The following HRG variants were observed in gnomAD, a reference collection of about 807,000 sequenced individuals.
HRG encodes the protein histidine-rich glycoprotein.
A neutral mutation model predicts 29.5 loss-of-function variants in HRG; 26 were observed. The ratio of observed to expected loss-of-function variants is 0.88; its 90% CI spans 0.65 to 1.22. The LOEUF is 1.22. Among genes scored for constraint, HRG ranks in the 50% most tolerant of loss-of-function variants. HRG has a pLI of 0.00. For synonymous variants in HRG, 243 were observed against 240.4 expected, an observed-to-expected ratio of 1.01 and a Z score of -0.10; for missense variants, 671 against 654.5, an observed-to-expected ratio of 1.03 and a Z score of -0.28.
intron 4 of HRG, among the ~76,000 whole-genome samples, chr3:186,672,225 G>C (rs1427195673): frequency 6.6e-6 from 1 of 152,196 alleles, no homozygotes; most frequent in African/African-American, 2.4e-5. Context: ...TTCACCCAGA[G>C]CTGTCTTGTA....
At chr3:186,670,879 A>C (rs546889719) in intron 3 of HRG, among the ~76,000 whole-genome samples, 1 of 152,282 alleles carries the variant, frequency 6.6e-6, no homozygotes, top group East Asian at 1.9e-4. Context: ...TTTCAAATAG[A>C]ATTATCACAG....
chr3:186,672,337 A>G (rs114932239), intron 4 of HRG, among the ~76,000 whole-genome samples: 184 of 152,346 alleles, frequency 1.2e-3, no homozygotes, highest in African/African-American at 4.4e-3. Flanking sequence ...TGCTCAAAGA[A>G]TGTTTGGACC....
rs1006436220 is a variant in HRG at position 186,666,326 on chromosome 3, T to G, written c.183+112T>G. 25 of 1,092,872 alleles carry G rather than the reference T, an allele frequency of 2.3e-5. No individual in the cohort carries two copies. In the Admixed American group the frequency reaches 4.5e-4, roughly 20 times the overall value. The allele number at this position is 1,092,872 out of a possible 1,614,324, so 67.7% of individuals were successfully genotyped here. ...CAATGAATGGCTTTGGTCAGAGTTT[T>G]TTGTTTGGCTTCTGCGGCTGCTCTA... On this transcript the variant is annotated intron_variant, in intron 1 of 6. Coordinates refer to ENST00000232003, the MANE Select transcript of HRG (RefSeq NM_000412.5).
chr3:186,671,755 T>C lies in HRG; in HGVS notation c.524T>C (p.Phe175Ser), dbSNP rs1335749407. 2.5e-6 allele frequency: 4 copies of C among 1,613,870 alleles called. No individual in the cohort carries two copies. Among genetic ancestry groups the C allele is most frequent in the Admixed American group, 1.7e-5 (1 of 59,986 alleles). ...YKEENDDFAS[F>S]RVDRIERVAR... ...GAGGAGAATGATGACTTTGCCTCTTTCAGAGTGGACCGAATCGAGAGAGTT... is the reference window on the plus strand; with the variant it reads ...GAGGAGAATGATGACTTTGCCTCTTCCAGAGTGGACCGAATCGAGAGAGTT... Residue 175 changes from phenylalanine to serine, a missense_variant, in exon 4 of 7, where the codon TTC (phenylalanine) becomes TCC (serine). Phe to Ser is a radical substitution (Grantham distance 155). Transcript: ENST00000232003.
In HRG at chr3:186,672,793, G is replaced by A; in HGVS notation, c.565G>A (p.Gly189Arg). Residue 189 changes from glycine to arginine, a missense_variant, in exon 5 of 7, where the codon GGG becomes AGG. Gly to Arg is a moderately radical substitution (Grantham distance 125, BLOSUM62 -2). Coordinates refer to ENST00000232003, the MANE Select transcript of HRG (RefSeq NM_000412.5). ...RIERVARVRG[G>R]EGTGYFVDFS... ...TTGATCCCATCTGTTCTAGAGAGGA[G>A]GGGAAGGAACTGGTTACTTCGTGGA... 1.9e-6 allele frequency: 3 copies of A among 1,607,090 alleles called. No individual in the cohort carries two copies. The highest frequency in any genetic ancestry group is 2.6e-6 in the Non-Finnish European group (3 of 1,173,700).
At chr3:186,675,957 C>T (rs1176125254) in intron 6 of HRG, among the ~76,000 whole-genome samples, 2 of 148,604 alleles carry the variant, frequency 1.3e-5, no homozygotes, top group African/African-American at 5.0e-5. Flanking sequence ...ACAACCTCTG[C>T]CTCCTGGGTT....
rs745910756 is a variant in HRG at position 186,677,387 on chromosome 3, C to T, written c.1082C>T (p.Pro361Leu). ...AAGCATCATTCCCATGAACAGCATC[C>T]CCACGGACACCATCCCCATGCACAC... ...PHKHHSHEQH[P>L]HGHHPHAHHP... Residue 361 changes from proline (P) to leucine (L), a missense_variant, in exon 7 of 7, where the codon CCC becomes CTC. By Grantham distance (98) the Pro-to-Leu change is moderately conservative. Coordinates refer to ENST00000232003, the MANE Select transcript of HRG (RefSeq NM_000412.5). 12 of 1,612,660 alleles carry T rather than the reference C, an allele frequency of 7.4e-6. No homozygotes were observed. Among genetic ancestry groups the T allele is most frequent in the African/African-American group, 2.7e-5 (2 of 74,854 alleles).
In HRG at chr3:186,671,690, C is replaced by T; in HGVS notation, c.459C>T (p.Arg153=). Residue 153 remains arginine, a synonymous_variant, in exon 4 of 7, where the codon CGC becomes CGT. Coordinates refer to ENST00000232003, the MANE Select transcript of HRG (RefSeq NM_000412.5). ...TAGATTTCTTTGAGGATACTGAGCG[C>T]TACAGAAAACAAGCCAACAAAGCCC... ...VLIDFFEDTE[R]YRKQANKALE... 6.2e-7 allele frequency: 1 copy of T among 1,614,004 alleles called. No homozygotes were observed. The highest frequency in any genetic ancestry group is 8.5e-7 in the Non-Finnish European group (1 of 1,179,910).
In HRG at chr3:186,675,069, A is replaced by G. The variant is rs767715787; in HGVS notation, c.640-20A>G. The G allele has an allele frequency of 1.0e-5, 16 of 1,531,252 alleles. 1 individual carries two copies. In the Admixed American group the frequency reaches 2.2e-4, roughly 21 times the overall value. 94.9% of individuals were successfully genotyped at this position (1,531,252 alleles called of 1,614,324 possible). A position where few individuals can be genotyped will look rare whatever the true frequency, so the allele number is the denominator to read the frequency against. ...ACACCACCTGGACACACACACTAAC[A>G]GCTCCTCATTCCTTTGTAGGTCTTT... is the stretch of plus-strand genomic sequence containing the variant. On this transcript the variant is annotated intron_variant, in intron 5 of 6. Coordinates refer to ENST00000232003, the MANE Select transcript of HRG (RefSeq NM_000412.5).
chr3:186,677,625 G>C lies in HRG; in HGVS notation c.1320G>C (p.Arg440Ser). ...GHGPPPGHLR[R>S]RGPGKGPRPF... ...GCCCACCACCTGGGCACTTAAGAAG[G>C]CGAGGCCCAGGTAAAGGACCCCGTC... The change falls in exon 7 of 7, where the codon AGG becomes AGC. Residue 440 changes from arginine to serine, a missense_variant. Transcript: ENST00000232003. 1 of 1,614,108 alleles carries C rather than the reference G, an allele frequency of 6.2e-7. No homozygotes were observed. Among genetic ancestry groups the C allele is most frequent in the Non-Finnish European group, 8.5e-7 (1 of 1,180,004 alleles).
At chr3:186,675,052 T>C (rs776506037) in intron 5 of HRG, 37 bp from the exon 6 acceptor site, 4 of 1,391,490 alleles carry the variant, frequency 2.9e-6, no homozygotes, top group East Asian at 2.3e-5. Context: ...TCACACCACC[T>C]GGACACACAC....
At chr3:186,668,598 A>G in intron 1 of HRG, 2 of 322,108 alleles carry the variant, frequency 6.2e-6, no homozygotes, top group Non-Finnish European at 1.2e-5. Flanking sequence ...CACAACTACA[A>G]GGACAGATTG....
In HRG at chr3:186,676,652, GA is replaced by G. The variant is rs34136870; in HGVS notation, c.742-384del. 3.9e-3 allele frequency among the ~76,000 whole-genome samples: 549 copies of G among 141,950 alleles called. 4 individuals are homozygous for G. The highest frequency in any genetic ancestry group is 5.2e-3 in the Non-Finnish European group (337 of 64,530). 93.1% of individuals were successfully genotyped at this position (141,950 alleles called of 152,430 possible). On this transcript the variant is annotated intron_variant, in intron 6 of 6. Transcript: ENST00000232003. ...AGAGTAAGACTATGTCTCAAAAAAA[GA>G]AAAAAAAAAATTAGGTGGGCATGGT...
At position 186,666,214 on chromosome 3, in the gene HRG, G is replaced by C; in HGVS notation, c.183G>C (p.Val61=). The C allele has an allele frequency of 6.2e-7, 1 of 1,613,776 alleles. No individual in the cohort carries two copies. The highest frequency in any genetic ancestry group is 8.5e-7 in the Non-Finnish European group (1 of 1,179,868). ...TTGCTGATGCCCACTTGGACAGAGT[G>C]GTGAGGAATTGCCAATGGCAGAGCT... ...LRIADAHLDR[V]ENTTVYYLVL... is the part of the protein sequence containing the mutation. The change falls in exon 1 of 7, where the codon GTG becomes GTC. Residue 61 remains valine, a splice_region_variant and synonymous_variant. Transcript: ENST00000232003.
At chr3:186,676,096 T>C (rs7626301) in intron 6 of HRG, among the ~76,000 whole-genome samples, 85,604 of 151,634 alleles carry the variant, frequency 0.56, 24,975 homozygotes, top group East Asian at 0.8. Context: ...CTCAAACTCC[T>C]GACCTTAGGT....
chr3:186,676,475 A>C (rs1354130539), intron 6 of HRG, among the ~76,000 whole-genome samples: 1 of 151,088 alleles, frequency 6.6e-6, no homozygotes, highest in Non-Finnish European at 1.5e-5. Flanking sequence ...TTTTTTTTTA[A>C]ATCAAAATTT....
intron 4 of HRG, 79 bp downstream of exon 4, chr3:186,671,868 C>T: frequency 1.7e-6 from 2 of 1,174,508 alleles, no homozygotes; most frequent in Non-Finnish European, 2.6e-6. Context: ...GGCATACCCT[C>T]TCCACCTGCC....
intron 1 of HRG, 30 bp downstream of exon 1, chr3:186,666,244 T>C (rs766385491): frequency 5.0e-5 from 81 of 1,610,646 alleles, no homozygotes; most frequent in Non-Finnish European, 6.5e-5. Context: ...AGAGCTGAGT[T>C]GGGAGATTAC....
chr3:186,670,706 T>C (rs1718759428), intron 3 of HRG, among the ~76,000 whole-genome samples: 2 of 151,936 alleles, frequency 1.3e-5, no homozygotes, highest in Non-Finnish European at 2.9e-5. Context: ...TGCCACCACA[T>C]CCAACAAATT....
Sources: allele counts gnomAD v4.1 joint callset (sites outside exome capture counted in the v4.1 genomes callset), GRCh38; gene constraint gnomAD v4.1.1; transcripts MANE v1.5; gene names NCBI Gene and HGNC (gene_info 2026-07-23, HGNC 2026-07-21).